TDRD6: variants seen among roughly 807,000 people sequenced by gnomAD.
TDRD6 encodes tudor domain-containing protein 6.
TDRD6 carries 186 observed loss-of-function variants against 157.5 expected under a neutral mutation model. The observed-to-expected ratio is 1.18, with a 90% CI of 1.05 to 1.33. The LOEUF (loss-of-function observed/expected upper bound fraction) is 1.33, where lower values mean the gene tolerates loss of function less well. TDRD6 is among the 40% of genes most tolerant of loss of function. TDRD6 has a pLI of 0.00. For missense variants in TDRD6, 3,066 were observed against 2,508.0 expected, an observed-to-expected ratio of 1.22 and a Z score of -4.75; for synonymous variants, 1,075 against 945.2, an observed-to-expected ratio of 1.14 and a Z score of -2.52.
chr6:46,690,358 A>C lies in TDRD6; in HGVS notation c.2230A>C (p.Arg744=). 6.2e-7 allele frequency: 1 copy of C among 1,613,656 alleles called. No homozygotes were observed. Among genetic ancestry groups the C allele is most frequent in the Non-Finnish European group, 8.5e-7 (1 of 1,179,998 alleles). Residue 744 remains arginine (R), a synonymous_variant, in exon 1 of 4, where the codon AGA becomes CGA. Coordinates refer to ENST00000316081, the MANE Select transcript of TDRD6 (RefSeq NM_001010870.3). ...ACTAGTTGTGCAGGAAAAAGTGAAAAGAGCATCTGTTTATTTTCCTCTTAT... is the reference window on the plus strand; with the variant it reads ...ACTAGTTGTGCAGGAAAAAGTGAAACGAGCATCTGTTTATTTTCCTCTTAT... The part of the protein sequence containing the change: ...TELVVQEKVK[R]ASVYFPLMQN...
intron 2 of TDRD6, among the ~76,000 whole-genome samples, chr6:46,696,575 G>GTATA (rs1562060507): frequency 7.0e-5 from 4 of 57,080 alleles, no homozygotes; most frequent in East Asian, 5.4e-4. Flanking sequence ...GTGTGTGTGT[G>GTATA]TGTGTGTATA....
rs1266748263 is a variant in TDRD6 at position 46,689,521 on chromosome 6, C to T, written c.1393C>T (p.Pro465Ser). The T allele has an allele frequency of 2.5e-6, 4 of 1,614,042 alleles. No individual in the cohort carries two copies. The highest frequency in any genetic ancestry group is 1.7e-5 in the Admixed American group (1 of 60,030). ...ACCAGAAACATCTCAGTCTCAGTCT[C>T]CTGCTGAAGAAGTAGATGAAGAGAT... ...EEPETSQSQSPAEEVDEEISL... is the reference protein window; with the variant it reads ...EEPETSQSQSSAEEVDEEISL... Residue 465 changes from proline to serine, a missense_variant, in exon 1 of 4, where the codon CCT (proline) becomes TCT (serine). Physicochemically the swap from Pro to Ser is moderately conservative, Grantham distance 74. Coordinates refer to ENST00000316081, the MANE Select transcript of TDRD6 (RefSeq NM_001010870.3).
chr6:46,685,258 G>T (rs1170601013), upstream of TDRD6, among the ~76,000 whole-genome samples: 2 of 151,448 alleles, frequency 1.3e-5, no homozygotes, highest in Admixed American at 1.3e-4. Flanking sequence ...CTCCTAACAG[G>T]GTATTTCTTA....
Position 46,689,655 on chromosome 6 carries a change from C to G in TDRD6, c.1527C>G (p.His509Gln). 1 of 1,614,220 alleles carries G rather than the reference C, an allele frequency of 6.2e-7. No individual in the cohort carries two copies. Among genetic ancestry groups the G allele is most frequent in the Non-Finnish European group, 8.5e-7 (1 of 1,180,032 alleles). The change falls in exon 1 of 4, where the codon CAC becomes CAG. Residue 509 changes from histidine to glutamine, a missense_variant. By Grantham distance (24) the His-to-Gln change is conservative (BLOSUM62 0). Transcript: ENST00000316081. ...PSEFWIRLRK[H>Q]NVTFSKLMRR... ...AGTTTTGGATTAGGTTGAGGAAACA[C>G]AATGTCACCTTCAGTAAGCTGATGA...
Position 46,688,587 on chromosome 6 carries a change from C to T in TDRD6, c.459C>T (p.Asp153=), listed in dbSNP as rs1406774068. ...AGCCGCCGCAGCACTGGCCCGCCGA[C>T]GCCGTGGACTTCCTTAGCAACCTTC... ...SGEPPQHWPA[D]AVDFLSNLQG... is the part of the protein sequence containing the mutation. The change falls in exon 1 of 4, where the codon GAC becomes GAT. Residue 153 remains aspartate (D), a synonymous_variant. Transcript: ENST00000316081. 1.9e-6 allele frequency: 3 copies of T among 1,598,434 alleles called. No homozygotes were observed. Among genetic ancestry groups the T allele is most frequent in the Admixed American group, 3.3e-5 (2 of 59,932 alleles).
At chr6:46,699,745 C>T (rs1324334394) in intron 3 of TDRD6, among the ~76,000 whole-genome samples, 1 of 152,154 alleles carries the variant, frequency 6.6e-6, no homozygotes, top group Non-Finnish European at 1.5e-5. Flanking sequence ...AATTCTTAAT[C>T]TACCTATTTC....
rs7750818 is a variant in TDRD6, at chr6:46,688,968, C to G, written c.840C>G (p.Ser280=). The change falls in exon 1 of 4, where the codon TCC becomes TCG. Residue 280 remains serine, a synonymous_variant. Transcript: ENST00000316081. ...RSVSQEIHRL[S]ESMAQVYRGS... is the part of the protein sequence containing the mutation. ...TCTCGCAGGAGATCCACCGCCTCTC[C>G]GAGAGCATGGCCCAGGTATACCGGG... The G allele has an allele frequency of 3.0e-5, 49 of 1,613,298 alleles. No homozygotes were observed. Among genetic ancestry groups the G allele is most frequent in the Non-Finnish European group, 3.5e-5 (41 of 1,179,622 alleles).
At chr6:46,681,957 A>G in the TDRD6 span, among the ~76,000 whole-genome samples, 9 of 152,134 alleles carry the variant, frequency 5.9e-5, no homozygotes, top group African/African-American at 2.2e-4. Flanking sequence ...TGATGAAAAA[A>G]ATCTGGAAAT....
rs778075110 is a variant in TDRD6 at position 46,688,295 on chromosome 6, C to A, written c.167C>A (p.Thr56Lys). The change falls in exon 1 of 4, where the codon ACG becomes AAG. Residue 56 changes from threonine (T) to lysine (K), a missense_variant. Thr to Lys is a moderately conservative substitution (Grantham distance 78). Coordinates refer to ENST00000316081, the MANE Select transcript of TDRD6 (RefSeq NM_001010870.3). The stretch of plus-strand genomic sequence containing the variant: ...CGGGAAATCCAGGAAGCGGCGGCCA[C>A]GCGCGGCCAGTGGGCGCTGGGCAGC... The part of the protein sequence containing the change: ...LSREIQEAAA[T>K]RGQWALGSAS... 4.7e-6 allele frequency: 7 copies of A among 1,500,732 alleles called. No homozygotes were observed. Among genetic ancestry groups the A allele is most frequent in the Middle Eastern group, 1.8e-4 (1 of 5,508 alleles). 93.0% of individuals were successfully genotyped at this position (1,500,732 alleles called of 1,614,324 possible).
chr6:46,689,108 A>G lies in TDRD6; in HGVS notation c.980A>G (p.Tyr327Cys), dbSNP rs753988804. 9 of 1,614,050 alleles carry G rather than the reference A, an allele frequency of 5.6e-6. No individual in the cohort carries two copies. The highest frequency in any genetic ancestry group is 7.6e-6 in the Non-Finnish European group (9 of 1,180,046). The change falls in exon 1 of 4, where the codon TAC becomes TGC. Residue 327 changes from tyrosine to cysteine, a missense_variant. Coordinates refer to ENST00000316081, the MANE Select transcript of TDRD6 (RefSeq NM_001010870.3). ...CASCGLDGHW[Y>C]RALLLETFRP... is the part of the protein sequence containing the mutation. ...TCCTGTGGCCTGGATGGACATTGGT[A>G]CAGAGCACTGTTGCTTGAGACTTTT...
intron 3 of TDRD6, chr6:46,701,037 G>A (rs748400646): frequency 9.5e-5 from 44 of 464,088 alleles, no homozygotes; most frequent in Non-Finnish European, 1.6e-4. Context: ...TTTACTTCAT[G>A]TCAGTGGGTG....
chr6:46,690,373 T>A lies in TDRD6; in HGVS notation c.2245T>A (p.Phe749Ile), dbSNP rs763216232. 1.2e-6 allele frequency: 2 copies of A among 1,613,812 alleles called. No homozygotes were observed. The highest frequency in any genetic ancestry group is 8.5e-7 in the Non-Finnish European group (1 of 1,180,030). Reference protein sequence around the residue: ...QEKVKRASVYFPLMQNCLEIK... With the variant: ...QEKVKRASVYIPLMQNCLEIK... Reference sequence around the variant, plus strand: ...AAAAGTGAAAAGAGCATCTGTTTATTTTCCTCTTATGCAGAATTGCTTGGA... The same window carrying A: ...AAAAGTGAAAAGAGCATCTGTTTATATTCCTCTTATGCAGAATTGCTTGGA... The change falls in exon 1 of 4, where the codon TTT becomes ATT. Residue 749 changes from phenylalanine (F) to isoleucine (I), a missense_variant. Physicochemically the swap from Phe to Ile is conservative, Grantham distance 21. Coordinates refer to ENST00000316081, the MANE Select transcript of TDRD6 (RefSeq NM_001010870.3).
rs1764268962 is a variant in TDRD6, at chr6:46,690,275, C to T, written c.2147C>T (p.Thr716Ile). 6.2e-7 allele frequency: 1 copy of T among 1,613,646 alleles called. No homozygotes were observed. The highest frequency in any genetic ancestry group is 2.2e-5 in the East Asian group (1 of 44,884). The change falls in exon 1 of 4, where the codon ACC (threonine) becomes ATC (isoleucine). Residue 716 changes from threonine (T) to isoleucine (I), a missense_variant. By Grantham distance (89) the Thr-to-Ile change is moderately conservative (BLOSUM62 -1). Coordinates refer to ENST00000316081, the MANE Select transcript of TDRD6 (RefSeq NM_001010870.3). ...GEQKAKRENK[T>I]TSVSKALSDT... ...CAGAAAGCCAAGAGAGAGAATAAAACCACATCTGTTTCAAAAGCTTTGAGT... is the reference window on the plus strand; with the variant it reads ...CAGAAAGCCAAGAGAGAGAATAAAATCACATCTGTTTCAAAAGCTTTGAGT...
the TDRD6 span, among the ~76,000 whole-genome samples, chr6:46,680,825 C>T: frequency 6.6e-6 from 1 of 152,168 alleles, no homozygotes; most frequent in Non-Finnish European, 1.5e-5. Flanking sequence ...TCTGTTCCCT[C>T]CATCTACCTT....
rs191250380 is a variant in TDRD6 at position 46,688,536 on chromosome 6, G to A, written c.408G>A (p.Pro136=). ...VLGCVLAGLV[P]AGCGAGSGEP... is the part of the protein sequence containing the mutation. ...GCTGCGTGCTAGCGGGCCTGGTGCC[G>A]GCAGGCTGCGGCGCGGGCTCAGGCG... The change falls in exon 1 of 4, where the codon CCG becomes CCA. Residue 136 remains proline (P), a synonymous_variant. Coordinates refer to ENST00000316081, the MANE Select transcript of TDRD6 (RefSeq NM_001010870.3). 1.3e-6 allele frequency: 2 copies of A among 1,572,600 alleles called. No homozygotes were observed. Among genetic ancestry groups the A allele is most frequent in the South Asian group, 1.1e-5 (1 of 88,526 alleles).
At position 46,693,494 on chromosome 6, in the gene TDRD6, A is replaced by T. The variant is rs1164550174; in HGVS notation, c.5366A>T (p.Asp1789Val). 2 of 1,613,734 alleles carry T rather than the reference A, an allele frequency of 1.2e-6. No individual in the cohort carries two copies. Among genetic ancestry groups the T allele is most frequent in the East Asian group, 2.2e-5 (1 of 44,882 alleles). Residue 1789 changes from aspartate to valine, a missense_variant, in exon 1 of 4, where the codon GAT becomes GTT. By Grantham distance (152) the Asp-to-Val change is radical. Transcript: ENST00000316081. Reference protein sequence around the residue: ...GFENPCKDKIDTEELEGELEC... With the variant: ...GFENPCKDKIVTEELEGELEC... ...GAAAACCCCTGCAAAGATAAAATTG[A>T]TACTGAGGAACTGGAAGGTGAATTA...
rs1181220510 is a variant in TDRD6, at chr6:46,690,765, T to C, written c.2637T>C (p.Ala879=). The part of the protein sequence containing the change: ...SEEFLKVKAQ[A]FRCSLYNLIQ... Reference sequence around the variant, plus strand: ...AATTTCTGAAGGTTAAGGCACAGGCTTTTAGGTGCAGTCTTTATAATTTAA... The same window carrying C: ...AATTTCTGAAGGTTAAGGCACAGGCCTTTAGGTGCAGTCTTTATAATTTAA... Residue 879 remains alanine (A), a synonymous_variant, in exon 1 of 4, where the codon GCT becomes GCC. Transcript: ENST00000316081. The C allele has an allele frequency of 6.2e-7, 1 of 1,614,052 alleles. No homozygotes were observed. Among genetic ancestry groups the C allele is most frequent in the East Asian group, 2.2e-5 (1 of 44,896 alleles).
Position 46,692,184 on chromosome 6 carries a change from T to G in TDRD6, c.4056T>G (p.Pro1352=). Residue 1352 remains proline, a synonymous_variant, in exon 1 of 4, where the codon CCT becomes CCG. Coordinates refer to ENST00000316081, the MANE Select transcript of TDRD6 (RefSeq NM_001010870.3). ...KTRPEYYVGP[P]LQRGDMICAV... ...GGCCCGAATATTATGTAGGTCCACC[T>G]TTGCAAAGAGGAGATATGATATGTG... is the stretch of plus-strand genomic sequence containing the variant. 6.2e-7 allele frequency: 1 copy of G among 1,614,160 alleles called. No individual in the cohort carries two copies. Among genetic ancestry groups the G allele is most frequent in the African/African-American group, 1.3e-5 (1 of 75,050 alleles).
rs1351463822 is a variant in TDRD6, at chr6:46,692,685, A to G, written c.4557A>G (p.Lys1519=). 1 of 1,613,704 alleles carries G rather than the reference A, an allele frequency of 6.2e-7. No homozygotes were observed. The highest frequency in any genetic ancestry group is 1.3e-5 in the African/African-American group (1 of 74,866). ...TTAACTGGTATAATCCAGAAAAAAAAATGATAAGAGCTTATGCCACTGTGA... is the reference window on the plus strand; with the variant it reads ...TTAACTGGTATAATCCAGAAAAAAAGATGATAAGAGCTTATGCCACTGTGA... The part of the protein sequence containing the change: ...VFLNWYNPEK[K]MIRAYATVID... The change falls in exon 1 of 4, where the codon AAA becomes AAG. Residue 1519 remains lysine (K), a synonymous_variant. Coordinates refer to ENST00000316081, the MANE Select transcript of TDRD6 (RefSeq NM_001010870.3).
Sources: gnomAD v4.1 joint callset for allele counts (sites outside exome capture counted in the v4.1 genomes callset) on GRCh38, gnomAD v4.1.1 for gene constraint, MANE v1.5 for transcripts, NCBI Gene and HGNC (gene_info 2026-07-23, HGNC 2026-07-21) for gene names.